GRIN3A: variants seen among roughly 807,000 people sequenced by gnomAD.
GRIN3A encodes the protein glutamate receptor ionotropic, NMDA 3A.
Under a neutral mutation model 92.4 loss-of-function variants are expected in GRIN3A, and 47 were observed. That is an observed-to-expected ratio of 0.51 (90% confidence interval 0.40 to 0.65). The LOEUF is 0.65. GRIN3A is among the 30% of genes least tolerant of loss of function. The pLI is 0.00. For synonymous variants in GRIN3A, 527 were observed against 540.6 expected (o/e 0.97, Z 0.35); for missense variants, 1,324 against 1,393.1 (o/e 0.95, Z 0.79).
chr9:101,573,127 G>C lies in GRIN3A; in HGVS notation c.*47C>G, dbSNP rs753525714. ...AAAGAGCATTACAAAGTGTCTCAAGGGCTCAGAGGAAGGTCAGGAACTGAG... is the reference window on the plus strand; with the variant it reads ...AAAGAGCATTACAAAGTGTCTCAAGCGCTCAGAGGAAGGTCAGGAACTGAG... On this transcript the variant is annotated 3_prime_UTR_variant, in exon 9 of 9. Transcript: ENST00000361820. 2 of 1,473,474 alleles carry C rather than the reference G, an allele frequency of 1.4e-6. No homozygotes were observed. Among genetic ancestry groups the C allele is most frequent in the Admixed American group, 3.3e-5 (2 of 59,784 alleles). The allele number at this position is 1,473,474 out of a possible 1,614,324, so 91.3% of individuals were successfully genotyped here.
intron 3 of GRIN3A, among the ~76,000 whole-genome samples, chr9:101,636,297 C>A (rs1440691165): frequency 6.6e-6 from 1 of 152,132 alleles, no homozygotes; most frequent in Admixed American, 6.5e-5. Context: ...TTTATTTTCT[C>A]TATATTATGT....
chr9:101,588,139 G>A (rs2118802196), intron 6 of GRIN3A, among the ~76,000 whole-genome samples: 1 of 152,252 alleles, frequency 6.6e-6, no homozygotes. Flanking sequence ...AGGTAAGATT[G>A]TGCGGTGCAA....
At position 101,738,175 on chromosome 9, in the gene GRIN3A, C is replaced by G; in HGVS notation, c.-196G>C. On this transcript the variant is annotated 5_prime_UTR_variant, in exon 1 of 9. Coordinates refer to ENST00000361820, the MANE Select transcript of GRIN3A (RefSeq NM_133445.3). Reference sequence around the variant, plus strand: ...GCCTCCGGCAGTCTCAGATCCCGCTCCCAGGTCCCTCCGCCTGGCATCCTC... The same window carrying G: ...GCCTCCGGCAGTCTCAGATCCCGCTGCCAGGTCCCTCCGCCTGGCATCCTC... The G allele has an allele frequency of 1.6e-6, 1 of 642,074 alleles. No homozygotes were observed. The highest frequency in any genetic ancestry group is 2.8e-5 in the East Asian group (1 of 36,224). 39.8% of individuals were successfully genotyped at this position (642,074 alleles called of 1,614,324 possible). A position where few individuals can be genotyped will look rare whatever the true frequency, so the allele number is the denominator to read the frequency against.
intron 8 of GRIN3A, among the ~76,000 whole-genome samples, chr9:101,575,473 T>A (rs1254712693): frequency 6.6e-6 from 1 of 152,216 alleles, no homozygotes; most frequent in Non-Finnish European, 1.5e-5. Context: ...CATGTATTGA[T>A]TGGGAACCCA....
intron 1 of GRIN3A, among the ~76,000 whole-genome samples, chr9:101,695,335 A>G (rs936264264): frequency 7.9e-5 from 12 of 152,242 alleles, no homozygotes; most frequent in Middle Eastern, 3.4e-3. Context: ...TTCTTTCAGG[A>G]TTTTAAAATC....
chr9:101,586,458 T>C (rs1167553517), intron 6 of GRIN3A, among the ~76,000 whole-genome samples: 1 of 152,068 alleles, frequency 6.6e-6, no homozygotes, highest in Non-Finnish European at 1.5e-5. Flanking sequence ...TCTCATTATA[T>C]CACAGAAGCT....
chr9:101,680,454 T>C (rs2506351), intron 2 of GRIN3A, among the ~76,000 whole-genome samples: 11,897 of 152,256 alleles, frequency 0.078, 784 homozygotes, highest in East Asian at 0.39. Context: ...TGAGTATTGA[T>C]ATTGCTTGAC....
chr9:101,663,157 C>T (rs1456037276), intron 3 of GRIN3A, among the ~76,000 whole-genome samples: 3 of 151,892 alleles, frequency 2.0e-5, no homozygotes, highest in Non-Finnish European at 4.4e-5. Flanking sequence ...TCTTCTCTAA[C>T]ATCCTCATCA....
intron 2 of GRIN3A, among the ~76,000 whole-genome samples, chr9:101,677,470 T>A (rs1829413712): frequency 6.6e-6 from 1 of 152,152 alleles, no homozygotes; most frequent in Non-Finnish European, 1.5e-5. Flanking sequence ...GGAGATCTTG[T>A]CTTAAAGCAG....
At chr9:101,692,038 C>G (rs772765466) in intron 1 of GRIN3A, among the ~76,000 whole-genome samples, 1 of 152,162 alleles carries the variant, frequency 6.6e-6, no homozygotes, top group Non-Finnish European at 1.5e-5. Context: ...GTAGTTGTTA[C>G]AATTGACTTA....
intron 3 of GRIN3A, among the ~76,000 whole-genome samples, chr9:101,636,411 C>G (rs72745360): frequency 0.14 from 20,970 of 152,200 alleles, 1,488 homozygotes; most frequent in East Asian, 0.23. Flanking sequence ...TGAATGCTCA[C>G]GGCATCCTTT....
intron 6 of GRIN3A, among the ~76,000 whole-genome samples, chr9:101,605,664 A>G (rs530110338): frequency 2.0e-5 from 3 of 152,274 alleles, no homozygotes; most frequent in African/African-American, 7.2e-5. Context: ...GGGTGAAGCA[A>G]AAGATGGGGA....
At chr9:101,723,765 A>G (rs1182731209) in intron 1 of GRIN3A, among the ~76,000 whole-genome samples, 1 of 152,098 alleles carries the variant, frequency 6.6e-6, no homozygotes, top group Non-Finnish European at 1.5e-5. Flanking sequence ...CTAGATACAG[A>G]GTGTCGATTG....
intron 4 of GRIN3A, 126 bp downstream of exon 4, chr9:101,628,130 G>A (rs1038819231): frequency 3.9e-5 from 33 of 842,562 alleles, no homozygotes; most frequent in Admixed American, 6.0e-5. Context: ...ACAGTGTAAA[G>A]TATTACTTAA....
intron 5 of GRIN3A, among the ~76,000 whole-genome samples, chr9:101,614,828 A>G (rs1418422559): frequency 6.6e-6 from 1 of 151,792 alleles, no homozygotes; most frequent in Admixed American, 6.6e-5. Context: ...CGTGTTGCCC[A>G]GGCTGGTCTT....
intron 3 of GRIN3A, among the ~76,000 whole-genome samples, chr9:101,634,930 G>A (rs1053458242): frequency 6.6e-6 from 1 of 152,120 alleles, no homozygotes; most frequent in Non-Finnish European, 1.5e-5. Context: ...CTCATGCTCT[G>A]AATATTAGAA....
intron 6 of GRIN3A, among the ~76,000 whole-genome samples, chr9:101,579,580 G>C (rs1318855083): frequency 6.7e-6 from 1 of 149,914 alleles, no homozygotes; most frequent in Non-Finnish European, 1.5e-5. Flanking sequence ...ATGCCTAGAG[G>C]GTGAGAAATA....
rs370336418 is a variant in GRIN3A at position 101,613,336 on chromosome 9, G to A, written c.2766+40C>T. 4 of 1,608,388 alleles carry A rather than the reference G, an allele frequency of 2.5e-6. No homozygotes were observed. The African/African-American group carries it at 4.0e-5, about 16-fold the overall frequency. Reference sequence around the variant, plus strand: ...ATTTCCTTATGTTCTCTGAGGTACAGCTATACAACGTGTCACCATTTTCAA... The same window carrying A: ...ATTTCCTTATGTTCTCTGAGGTACAACTATACAACGTGTCACCATTTTCAA... On this transcript the variant is annotated intron_variant, in intron 6 of 8. Coordinates refer to ENST00000361820, the MANE Select transcript of GRIN3A (RefSeq NM_133445.3).
At chr9:101,633,498 C>T (rs1828739690) in intron 3 of GRIN3A, among the ~76,000 whole-genome samples, 1 of 152,136 alleles carries the variant, frequency 6.6e-6, no homozygotes, top group African/African-American at 2.4e-5. Flanking sequence ...AGCAGGGGTC[C>T]CAAACCCCTG....
Sources: gnomAD v4.1 joint callset for allele counts (sites outside exome capture counted in the v4.1 genomes callset) on GRCh38, gnomAD v4.1.1 for gene constraint, MANE v1.5 for transcripts, NCBI Gene and HGNC (gene_info 2026-07-23, HGNC 2026-07-21) for gene names.